Variants in PTPRM observed in about 807,000 individuals in gnomAD.
PTPRM encodes the protein receptor-type tyrosine-protein phosphatase mu.
A neutral mutation model predicts 186.7 loss-of-function variants in PTPRM; 47 were observed. The ratio of observed to expected loss-of-function variants is 0.25; its 90% CI spans 0.20 to 0.32. The LOEUF (loss-of-function observed/expected upper bound fraction) is 0.32. Among genes scored for constraint, PTPRM ranks in the 10% least tolerant of loss-of-function variants. The pLI, the probability that PTPRM is intolerant of heterozygous loss-of-function variation, is 1.00. For synonymous variants in PTPRM, 668 were observed against 674.9 expected (o/e 0.99, Z 0.16); for missense variants, 1,494 against 1,865.0 (o/e 0.80, Z 3.66).
intron 11 of PTPRM, among the ~76,000 whole-genome samples, chr18:8,094,990 T>A (rs1162985386): frequency 6.6e-6 from 1 of 152,144 alleles, no homozygotes; most frequent in South Asian, 2.1e-4. Context: ...TGCCTGTCTT[T>A]CCACAGCAAG....
intron 7 of PTPRM, among the ~76,000 whole-genome samples, chr18:8,043,738 G>T (rs1568238823): frequency 1.3e-5 from 2 of 152,108 alleles, no homozygotes; most frequent in African/African-American, 4.8e-5. Context: ...TTGAAGTGGG[G>T]AAAAGAGTCC....
At chr18:8,280,247 A>G (rs1479107157) in intron 19 of PTPRM, among the ~76,000 whole-genome samples, 1 of 151,924 alleles carries the variant, frequency 6.6e-6, no homozygotes, top group Non-Finnish European at 1.5e-5. Flanking sequence ...TGCCCTACTC[A>G]CCTTTTCTAA....
intron 1 of PTPRM, among the ~76,000 whole-genome samples, chr18:7,649,529 C>T (rs1416359725): frequency 6.6e-6 from 1 of 152,126 alleles, no homozygotes; most frequent in Non-Finnish European, 1.5e-5. Context: ...AGGAGGTGAA[C>T]ATATCAGCAG....
chr18:8,260,033 C>G (rs940977352), intron 19 of PTPRM, among the ~76,000 whole-genome samples: 1 of 151,968 alleles, frequency 6.6e-6, no homozygotes, highest in Non-Finnish European at 1.5e-5. Flanking sequence ...ACCTGGGGCT[C>G]GGTCATTTGT....
intron 20 of PTPRM, among the ~76,000 whole-genome samples, chr18:8,312,645 G>A (rs891561227): frequency 6.6e-6 from 1 of 152,040 alleles, no homozygotes; most frequent in African/African-American, 2.4e-5. Context: ...AGCGAAGGAA[G>A]CACAGAAAGA....
intron 2 of PTPRM, among the ~76,000 whole-genome samples, chr18:7,873,954 T>G (rs891933445): frequency 6.6e-6 from 1 of 152,144 alleles, no homozygotes; most frequent in Non-Finnish European, 1.5e-5. Context: ...TGGCTCTTTA[T>G]TGGATGTTCT....
chr18:7,707,457 C>A (rs1332201950), intron 1 of PTPRM, among the ~76,000 whole-genome samples: 2 of 150,810 alleles, frequency 1.3e-5, no homozygotes, highest in East Asian at 3.9e-4. Context: ...ATAGTGAGAA[C>A]CCTTCTCTAA....
chr18:7,757,904 A>T (rs540132324), intron 1 of PTPRM, among the ~76,000 whole-genome samples: 2 of 152,058 alleles, frequency 1.3e-5, no homozygotes, highest in African/African-American at 4.8e-5. Flanking sequence ...GATGCCCTTT[A>T]GTCATGGGGA....
chr18:7,966,631 T>C (rs994638551), intron 7 of PTPRM, among the ~76,000 whole-genome samples: 1 of 148,400 alleles, frequency 6.7e-6, no homozygotes, highest in African/African-American at 2.5e-5. Flanking sequence ...GGGCGAGGCA[T>C]TGCCTCACCT....
intron 1 of PTPRM, among the ~76,000 whole-genome samples, chr18:7,704,698 A>G (rs147452532): frequency 6.9e-4 from 105 of 152,280 alleles, no homozygotes; most frequent in African/African-American, 2.5e-3. Flanking sequence ...AAGGATGAGT[A>G]TATTTTAAAA....
At chr18:7,858,792 G>A (rs1217263427) in intron 2 of PTPRM, among the ~76,000 whole-genome samples, 1 of 152,158 alleles carries the variant, frequency 6.6e-6, no homozygotes, top group Non-Finnish European at 1.5e-5. Context: ...ACTAAATAAT[G>A]TGCCTTTATT....
chr18:8,364,629 A>G (rs2095617081), intron 23 of PTPRM, among the ~76,000 whole-genome samples: 1 of 151,970 alleles, frequency 6.6e-6, no homozygotes, highest in Admixed American at 6.6e-5. Context: ...ATATCCATCC[A>G]CCCTCTTCTC....
At chr18:8,279,608 G>A (rs370437087) in intron 19 of PTPRM, among the ~76,000 whole-genome samples, 5 of 152,168 alleles carry the variant, frequency 3.3e-5, no homozygotes, top group Middle Eastern at 3.2e-3. Context: ...GTCCGTAGTC[G>A]TGAGACAGAA....
chr18:8,143,753 T>C lies in PTPRM; in HGVS notation c.2274T>C (p.Leu758=). ...AGILLFVIIF[L]GVVLVMKKRK... is the part of the protein sequence containing the mutation. ...TCTTGCTGTTCGTGATTATATTTCTTGGAGTTGTGTTGGTAATGAAGAAAA... is the reference window on the plus strand; with the variant it reads ...TCTTGCTGTTCGTGATTATATTTCTCGGAGTTGTGTTGGTAATGAAGAAAA... Residue 758 remains leucine (L), a synonymous_variant, in exon 14 of 33, where the codon CTT becomes CTC. Transcript: ENST00000580170. The C allele has an allele frequency of 6.2e-7, 1 of 1,614,148 alleles. No homozygotes were observed. Among genetic ancestry groups the C allele is most frequent in the Non-Finnish European group, 8.5e-7 (1 of 1,179,976 alleles).
intron 7 of PTPRM, among the ~76,000 whole-genome samples, chr18:7,982,750 C>T (rs1296653021): frequency 1.3e-5 from 2 of 152,026 alleles, no homozygotes; most frequent in East Asian, 3.9e-4. Context: ...GTTAGGACAG[C>T]TAGGATGTCA....
At chr18:7,683,594 C>T (rs1244126479) in intron 1 of PTPRM, among the ~76,000 whole-genome samples, 1 of 152,138 alleles carries the variant, frequency 6.6e-6, no homozygotes. Flanking sequence ...TTCCCAAAGT[C>T]ACTCTTTTCT....
intron 3 of PTPRM, among the ~76,000 whole-genome samples, chr18:7,895,204 A>C (rs747341938): frequency 2.0e-5 from 3 of 151,916 alleles, no homozygotes; most frequent in Non-Finnish European, 4.4e-5. Context: ...GGTAGTGATT[A>C]GGGGTAATTA....
At chr18:8,260,752 C>T (rs72913109) in intron 19 of PTPRM, among the ~76,000 whole-genome samples, 5,120 of 152,310 alleles carry the variant, frequency 0.034, 81 homozygotes, top group South Asian at 0.059. Flanking sequence ...TGACTCCCTC[C>T]CTTCAGATGC....
intron 2 of PTPRM, among the ~76,000 whole-genome samples, chr18:7,859,400 C>A (rs1567927416): frequency 6.6e-6 from 1 of 152,154 alleles, no homozygotes; most frequent in Non-Finnish European, 1.5e-5. Flanking sequence ...CTGGTGGCAG[C>A]CAGGTAGTCA....
Sources: allele counts gnomAD v4.1 joint callset (sites outside exome capture counted in the v4.1 genomes callset), GRCh38; gene constraint gnomAD v4.1.1; transcripts MANE v1.5; gene names NCBI Gene and HGNC (gene_info 2026-07-23, HGNC 2026-07-21).